Variants in AK5 observed in about 807,000 individuals in gnomAD.
The protein encoded by AK5 is adenylate kinase 5.
In AK5, 27 loss-of-function variants were observed where a neutral mutation model predicts 69.5. The ratio of observed to expected loss-of-function variants is 0.39; its 90% confidence interval spans 0.29 to 0.54. The LOEUF is 0.54. AK5 is among the 20% of genes least tolerant of loss of function. The pLI is 0.71. For missense variants in AK5, 531 were observed against 700.4 expected, an observed-to-expected ratio of 0.76 and a Z score of 2.73; for synonymous variants, 260 against 244.4, an observed-to-expected ratio of 1.06 and a Z score of -0.60.
rs765100564 is a variant in AK5 at position 77,558,596 on chromosome 1, A to G, written c.1621-6A>G. 1 of 1,540,502 alleles carries G rather than the reference A, an allele frequency of 6.5e-7. No homozygotes were observed. The highest frequency in any genetic ancestry group is 1.7e-5 in the Admixed American group (1 of 59,304). On this transcript the variant is annotated splice_polypyrimidine_tract_variant and splice_region_variant and intron_variant, in intron 13 of 13. Coordinates refer to ENST00000354567, the MANE Select transcript of AK5 (RefSeq NM_174858.3). ...ACTAACTCTCTTTTTTTCCTTTTAA[A>G]TATAGATAAATGCAGAGGGAACACC...
chr1:77,317,703 AC>A (rs1660312713), intron 5 of AK5, among the ~76,000 whole-genome samples: 1 of 152,152 alleles, frequency 6.6e-6, no homozygotes, highest in Non-Finnish European at 1.5e-5. Flanking sequence ...CTGAAAGACC[AC>A]TGCCATTAGT....
chr1:77,448,846 G>A (rs1022653507), intron 8 of AK5, among the ~76,000 whole-genome samples: 14 of 152,208 alleles, frequency 9.2e-5, no homozygotes, highest in African/African-American at 2.4e-4. Flanking sequence ...GCTTCCAGGT[G>A]CCACCATGTT....
At chr1:77,553,870 T>TG (rs1026703514) in intron 13 of AK5, among the ~76,000 whole-genome samples, 31 of 152,056 alleles carry the variant, frequency 2.0e-4, no homozygotes, top group African/African-American at 7.2e-4. Context: ...GACTGTATAG[T>TG]GGGCTGTGGG....
chr1:77,449,215 C>T (rs1652979118), intron 8 of AK5, among the ~76,000 whole-genome samples: 1 of 152,196 alleles, frequency 6.6e-6, no homozygotes, highest in African/African-American at 2.4e-5. Flanking sequence ...CCCATGAAAG[C>T]AGCCAGAAGA....
intron 6 of AK5, among the ~76,000 whole-genome samples, chr1:77,352,692 A>G (rs149102320): frequency 3.3e-5 from 5 of 152,322 alleles, no homozygotes; most frequent in Non-Finnish European, 7.4e-5. Context: ...GAACAACTCC[A>G]AGCTGGAAGT....
chr1:77,309,689 T>G (rs1037256524), intron 5 of AK5, among the ~76,000 whole-genome samples: 1 of 152,186 alleles, frequency 6.6e-6, no homozygotes, highest in Non-Finnish European at 1.5e-5. Context: ...GTATCACTAT[T>G]TTAATTTGCA....
intron 8 of AK5, among the ~76,000 whole-genome samples, chr1:77,470,089 CAT>C (rs1654369703): frequency 6.6e-6 from 1 of 152,202 alleles, no homozygotes; most frequent in Non-Finnish European, 1.5e-5. Flanking sequence ...GTAAAATACT[CAT>C]AGTCTTAATT....
intron 10 of AK5, among the ~76,000 whole-genome samples, chr1:77,503,752 A>C (rs1656862751): frequency 6.6e-6 from 1 of 152,080 alleles, no homozygotes; most frequent in Admixed American, 6.5e-5. Flanking sequence ...ATATACCAAA[A>C]AAATGAGCCA....
intron 10 of AK5, among the ~76,000 whole-genome samples, chr1:77,489,140 T>C (rs538095439): frequency 1.4e-4 from 21 of 152,352 alleles, no homozygotes; most frequent in African/African-American, 4.8e-4. Flanking sequence ...CCTCACCTGT[T>C]ACTAAGTCCT....
At chr1:77,391,495 GTATATATATATATA>G (rs753916010) in intron 6 of AK5, among the ~76,000 whole-genome samples, 8 of 63,452 alleles carry the variant, frequency 1.3e-4, no homozygotes, top group Non-Finnish European at 1.3e-4. Context: ...GTGTGTGTGT[GTATATATATATATA>G]TATATATATA....
At chr1:77,478,192 G>T (rs981895468) in intron 8 of AK5, among the ~76,000 whole-genome samples, 4 of 152,192 alleles carry the variant, frequency 2.6e-5, no homozygotes, top group African/African-American at 9.7e-5. Flanking sequence ...GGTCCAGTGA[G>T]ATCATATCTG....
At chr1:77,383,879 A>C (rs552636119) in intron 6 of AK5, among the ~76,000 whole-genome samples, 13 of 152,278 alleles carry the variant, frequency 8.5e-5, no homozygotes, top group East Asian at 5.8e-4. Context: ...GGGTTTTTCA[A>C]TTTAAAATGT....
chr1:77,508,633 G>T (rs938261094), intron 10 of AK5, among the ~76,000 whole-genome samples: 2 of 152,140 alleles, frequency 1.3e-5, no homozygotes, highest in Non-Finnish European at 2.9e-5. Context: ...TTGGGAGGCT[G>T]AGGTGGGTGG....
At chr1:77,297,530 A>G (rs1181465345) in intron 3 of AK5, 29 bp from the exon 4 acceptor site, 2 of 1,560,624 alleles carry the variant, frequency 1.3e-6, no homozygotes, top group African/African-American at 2.7e-5. Context: ...GTATCAGAAG[A>G]TCACAGTTTT....
chr1:77,332,849 C>CT (rs1178715005), intron 5 of AK5, among the ~76,000 whole-genome samples: 1 of 151,928 alleles, frequency 6.6e-6, no homozygotes, highest in African/African-American at 2.4e-5. Context: ...ATTCTGTACT[C>CT]TGAGTTTTTT....
Position 77,364,522 on chromosome 1 carries a change from C to A in AK5, c.891+23954C>A, listed in dbSNP as rs577632396. 7.9e-5 allele frequency among the ~76,000 whole-genome samples: 12 copies of A among 152,264 alleles called. No individual in the cohort carries two copies. The East Asian group carries it at 2.3e-3, about 29-fold the overall frequency. On this transcript the variant is annotated intron_variant, in intron 6 of 13. Transcript: ENST00000354567. The stretch of plus-strand genomic sequence containing the variant: ...AGCCCTTAACAAATCTCTGTATCAT[C>A]CCCTTCCCCCTACTCTTCCTGGCCT...
intron 12 of AK5, among the ~76,000 whole-genome samples, chr1:77,527,150 C>G (rs962861306): frequency 1.3e-5 from 2 of 152,164 alleles, no homozygotes; most frequent in African/African-American, 4.8e-5. Flanking sequence ...TTGTAAACAT[C>G]AGATCATATA....
intron 1 of AK5, chr1:77,282,832 AC>A (rs1319631151): frequency 1.0e-6 from 1 of 989,374 alleles, no homozygotes; most frequent in Admixed American, 6.1e-5. Flanking sequence ...GGAAATGTGG[AC>A]GAAGGCAGCC....
Position 77,470,851 on chromosome 1 carries a change from A to ATTTTTT in AK5, c.1060-12465_1060-12464insTTTTTT. Among the ~76,000 whole-genome samples, 2 of 2,528 alleles carry ATTTTTT rather than the reference A, an allele frequency of 7.9e-4. 1 individual carries two copies. The highest frequency in any genetic ancestry group is 2.1e-3 in the Non-Finnish European group (2 of 934). The allele number at this position is 2,528 out of a possible 152,430, so 1.7% of individuals were successfully genotyped here. A position where few individuals can be genotyped will look rare whatever the true frequency, so the allele number is the denominator to read the frequency against. On this transcript the variant is annotated intron_variant, in intron 8 of 13. Transcript: ENST00000354567. ...AATATATATATATATATATATATAT[A>ATTTTTT]TATATATATATATATATATATATAT...
Sources: gnomAD v4.1 joint callset for allele counts (sites outside exome capture counted in the v4.1 genomes callset) on GRCh38, gnomAD v4.1.1 for gene constraint, MANE v1.5 for transcripts, NCBI Gene and HGNC (gene_info 2026-07-23, HGNC 2026-07-21) for gene names.